Variants in ERC2 observed in about 807,000 individuals in gnomAD.
ERC2 encodes ERC protein 2.
ERC2 carries 42 observed loss-of-function variants against 114.8 expected under a neutral mutation model. The observed-to-expected ratio is 0.37, with a 90% confidence interval of 0.29 to 0.47. The LOEUF (loss-of-function observed/expected upper bound fraction) is 0.47, where lower values mean the gene tolerates loss of function less well. ERC2 is among the 20% of genes least tolerant of loss of function. The pLI is 0.99. For missense variants in ERC2, 939 were observed against 1,150.7 expected (o/e 0.82, Z 2.66); for synonymous variants, 454 against 425.5 (o/e 1.07, Z -0.82).
chr3:55,802,709 T>C (rs2059348933), intron 14 of ERC2, among the ~76,000 whole-genome samples: 2 of 152,168 alleles, frequency 1.3e-5, no homozygotes, highest in African/African-American at 4.8e-5. Context: ...TTTCAAATAC[T>C]CCACTTGGAA....
chr3:55,712,203 A>G (rs2063811961), intron 15 of ERC2, among the ~76,000 whole-genome samples: 1 of 152,186 alleles, frequency 6.6e-6, no homozygotes, highest in Non-Finnish European at 1.5e-5. Context: ...ATAATTGTAT[A>G]TCTAAAGAAA....
chr3:55,669,311 G>T (rs879264967), intron 17 of ERC2, among the ~76,000 whole-genome samples: 1 of 152,158 alleles, frequency 6.6e-6, no homozygotes, highest in Admixed American at 6.5e-5. Context: ...CCCATAATCT[G>T]CTAGAACATA....
intron 3 of ERC2, 89 bp from the exon 4 acceptor site, chr3:56,173,609 T>TAGTA: frequency 1.6e-6 from 2 of 1,243,558 alleles, no homozygotes; most frequent in Non-Finnish European, 2.3e-6. Context: ...GCCTGCTGGG[T>TAGTA]CCTGGTTCCC....
chr3:55,872,624 A>G (rs2062637340), intron 14 of ERC2, among the ~76,000 whole-genome samples: 1 of 152,190 alleles, frequency 6.6e-6, no homozygotes, highest in Non-Finnish European at 1.5e-5. Flanking sequence ...TCAGTTGCAT[A>G]GAACTGAAAA....
At chr3:56,008,809 A>G (rs6779691) in intron 9 of ERC2, among the ~76,000 whole-genome samples, 23,200 of 152,228 alleles carry the variant, frequency 0.15, 1,960 homozygotes, top group East Asian at 0.38. Context: ...TTCCCTGAGG[A>G]AGAACAAATT....
In ERC2 at chr3:56,069,386, C is replaced by A. The variant is rs566010332; in HGVS notation, c.1641+11431G>T. 2.0e-5 allele frequency among the ~76,000 whole-genome samples: 3 copies of A among 152,224 alleles called. No homozygotes were observed. The South Asian group carries it at 6.2e-4, about 32-fold the overall frequency. ...TTTTCTATTGCTGTATGACAAAATG[C>A]CACCAAATGACTTAAAACAACATCC... On this transcript the variant is annotated intron_variant, in intron 7 of 17. Transcript: ENST00000288221.
intron 17 of ERC2, chr3:55,613,179 A>G (rs2058977901): frequency 6.6e-6 from 1 of 152,240 alleles, no homozygotes; most frequent in African/African-American, 2.4e-5. Context: ...TCCAGTTAGA[A>G]TACCAGCTGA....
At chr3:55,601,638 T>C (rs1204761885) in intron 17 of ERC2, among the ~76,000 whole-genome samples, 2 of 152,140 alleles carry the variant, frequency 1.3e-5, no homozygotes, top group African/African-American at 4.8e-5. Flanking sequence ...TCAGAGCTGG[T>C]AGCCTGGACT....
At chr3:56,319,298 T>C (rs1309245783) in intron 2 of ERC2, among the ~76,000 whole-genome samples, 4 of 151,494 alleles carry the variant, frequency 2.6e-5, no homozygotes, top group Admixed American at 1.3e-4. Flanking sequence ...CAACAGAATA[T>C]TATTCAGCCT....
chr3:56,421,656 G>C (rs58249162), intron 2 of ERC2, among the ~76,000 whole-genome samples: 6,549 of 152,270 alleles, frequency 0.043, 362 homozygotes, highest in African/African-American at 0.12. Context: ...GAGTGATAGA[G>C]ATGTGTATGT....
At chr3:55,812,799 A>G (rs1307819712) in intron 14 of ERC2, among the ~76,000 whole-genome samples, 2 of 152,252 alleles carry the variant, frequency 1.3e-5, no homozygotes, top group Non-Finnish European at 2.9e-5. Flanking sequence ...TGTTATAATT[A>G]ATCTGCTGAC....
At chr3:55,613,002 G>A (rs2058970897) in intron 17 of ERC2, 2 of 152,222 alleles carry the variant, frequency 1.3e-5, no homozygotes, top group African/African-American at 4.8e-5. Flanking sequence ...TGGATGTCCT[G>A]TATTTGTGAA....
intron 13 of ERC2, among the ~76,000 whole-genome samples, chr3:55,926,354 C>T (rs1450343809): frequency 4.0e-5 from 6 of 151,156 alleles, no homozygotes; most frequent in Non-Finnish European, 7.4e-5. Flanking sequence ...CAAGACCTAG[C>T]ATGCTGGCTT....
intron 17 of ERC2, among the ~76,000 whole-genome samples, chr3:55,674,184 T>G (rs2061684348): frequency 6.6e-6 from 1 of 152,138 alleles, no homozygotes; most frequent in African/African-American, 2.4e-5. Flanking sequence ...GCCAAGTAAA[T>G]GATAACACCA....
chr3:56,089,769 T>C (rs1187503733), intron 6 of ERC2, among the ~76,000 whole-genome samples: 1 of 152,186 alleles, frequency 6.6e-6, no homozygotes. Context: ...CCCTTGCATA[T>C]TGATGATTCA....
chr3:56,307,361 C>G (rs1236628819), intron 2 of ERC2, among the ~76,000 whole-genome samples: 1 of 152,190 alleles, frequency 6.6e-6, no homozygotes, highest in Non-Finnish European at 1.5e-5. Context: ...ATGCAGTGCA[C>G]AATTACAGTG....
chr3:56,310,538 A>G (rs530392553), intron 2 of ERC2, among the ~76,000 whole-genome samples: 28 of 152,312 alleles, frequency 1.8e-4, no homozygotes, highest in African/African-American at 6.3e-4. Context: ...GCTGGGTGGC[A>G]GGCATTGAAC....
At chr3:55,788,173 T>G (rs759075717) in intron 14 of ERC2, among the ~76,000 whole-genome samples, 1 of 152,234 alleles carries the variant, frequency 6.6e-6, no homozygotes, top group Non-Finnish European at 1.5e-5. Context: ...TTCTCTCATC[T>G]GAAAGCTAAG....
intron 2 of ERC2, among the ~76,000 whole-genome samples, chr3:56,316,803 A>G (rs1001279688): frequency 1.3e-5 from 2 of 152,206 alleles, no homozygotes; most frequent in African/African-American, 4.8e-5. Context: ...AAAAAGAAAC[A>G]TTTTTAAGGC....
Sources: allele counts gnomAD v4.1 joint callset (sites outside exome capture counted in the v4.1 genomes callset), GRCh38; gene constraint gnomAD v4.1.1; transcripts MANE v1.5; gene names NCBI Gene and HGNC (gene_info 2026-07-23, HGNC 2026-07-21).